Variants in ACP3 observed in about 807,000 individuals in gnomAD.
ACP3 encodes the protein prostatic acid phosphatase.
A neutral mutation model predicts 45.6 loss-of-function variants in ACP3; 38 were observed. The ratio of observed to expected loss-of-function variants is 0.83; its 90% CI spans 0.64 to 1.09. The LOEUF (loss-of-function observed/expected upper bound fraction) is 1.09. Among genes scored for constraint, ACP3 ranks in the 50% least tolerant of loss-of-function variants. ACP3 has a pLI of 0.00. For missense variants in ACP3, 466 were observed against 463.2 expected (o/e 1.01, Z -0.05); for synonymous variants, 162 against 164.7 (o/e 0.98, Z 0.13).
chr3:132,325,115 C>T (rs1160505028), intron 1 of ACP3, among the ~76,000 whole-genome samples: 2 of 152,186 alleles, frequency 1.3e-5, no homozygotes, highest in East Asian at 1.9e-4. Context: ...TGCTCTACCA[C>T]AGAATTAAAA....
chr3:132,347,871 A>ACACACACACACC (rs766142673), intron 7 of ACP3, among the ~76,000 whole-genome samples: 3 of 151,094 alleles, frequency 2.0e-5, no homozygotes, highest in Non-Finnish European at 4.4e-5. Context: ...ACACACACAC[A>ACACACACACACC]CCAAAAAAAT....
chr3:132,337,331 C>A (rs752939110), intron 4 of ACP3, 125 bp from the exon 5 acceptor site: 1 of 580,778 alleles, frequency 1.7e-6, no homozygotes, highest in South Asian at 2.7e-5. Context: ...CCACTCAGCT[C>A]AAAACACATT....
Position 132,356,704 on chromosome 3 carries a change from G to A in ACP3, c.987G>A (p.Met329Ile). The change falls in exon 10 of 10, where the codon ATG (methionine) becomes ATA (isoleucine). Residue 329 changes from methionine to isoleucine, a missense_variant. Transcript: ENST00000336375. Reference protein sequence around the residue: ...YFEKGEYFVEMYYRNETQHEP... With the variant: ...YFEKGEYFVEIYYRNETQHEP... ...CTGCCAGGGAGTACTTTGTGGAGATGTACTATCGGAATGAGACGCAGCACG... is the reference window on the plus strand; with the variant it reads ...CTGCCAGGGAGTACTTTGTGGAGATATACTATCGGAATGAGACGCAGCACG... 6.2e-7 allele frequency: 1 copy of A among 1,614,096 alleles called. No individual in the cohort carries two copies. Among genetic ancestry groups the A allele is most frequent in the Non-Finnish European group, 8.5e-7 (1 of 1,180,032 alleles).
intron 2 of ACP3, among the ~76,000 whole-genome samples, chr3:132,329,555 G>A (rs531057700): frequency 3.3e-5 from 5 of 152,268 alleles, no homozygotes; most frequent in South Asian, 4.1e-4. Flanking sequence ...ATGAAAGAGA[G>A]GCTACAAAAA....
chr3:132,366,027 G>A (rs938721795), intron 10 of ACP3, among the ~76,000 whole-genome samples: 4 of 151,588 alleles, frequency 2.6e-5, no homozygotes, highest in African/African-American at 9.7e-5. Flanking sequence ...GTGGCCAGGT[G>A]TGGTGGCTCA....
In ACP3 at chr3:132,331,675, G is replaced by C; in HGVS notation, c.245G>C (p.Gly82Ala). 1 of 1,605,044 alleles carries C rather than the reference G, an allele frequency of 6.2e-7. No homozygotes were observed. Among genetic ancestry groups the C allele is most frequent in the Non-Finnish European group, 8.5e-7 (1 of 1,177,852 alleles). Residue 82 changes from glycine to alanine, a missense_variant, in exon 3 of 10, where the codon GGA becomes GCA. Transcript: ENST00000336375. ...GGCATGGAGCAGCATTATGAACTTG[G>C]AGAGTATATAAGAAAGAGATATAGA... is the stretch of plus-strand genomic sequence containing the variant. Reference protein sequence around the residue: ...QLGMEQHYELGEYIRKRYRKF... With the variant: ...QLGMEQHYELAEYIRKRYRKF...
intron 5 of ACP3, among the ~76,000 whole-genome samples, chr3:132,339,831 C>G (rs1015373884): frequency 1.3e-4 from 20 of 152,160 alleles, no homozygotes; most frequent in Admixed American, 1.2e-3. Context: ...ACTCCCTCCC[C>G]TCCCCAGAGG....
At position 132,317,415 on chromosome 3, in the gene ACP3, A is replaced by AG; in HGVS notation, c.-41dup. 1 of 1,597,088 alleles carries AG rather than the reference A, an allele frequency of 6.3e-7. No homozygotes were observed. Among genetic ancestry groups the AG allele is most frequent in the Non-Finnish European group, 8.5e-7 (1 of 1,173,826 alleles). On this transcript the variant is annotated 5_prime_UTR_variant, in exon 1 of 10. Coordinates refer to ENST00000336375, the MANE Select transcript of ACP3 (RefSeq NM_001099.5). ...CCCCTCTACAGGCTTTTGAAGTGGT[A>AG]GCAGTTCCTCCTAACTCCTGCCAGA...
intron 8 of ACP3, 53 bp downstream of exon 8, chr3:132,350,055 T>C: frequency 1.6e-6 from 2 of 1,266,288 alleles, no homozygotes; most frequent in Non-Finnish European, 2.3e-6. Context: ...TGTGATCTCT[T>C]GAAGCACAGG....
At chr3:132,324,530 C>A (rs571026984) in intron 1 of ACP3, among the ~76,000 whole-genome samples, 1 of 152,294 alleles carries the variant, frequency 6.6e-6, no homozygotes, top group African/African-American at 2.4e-5. Flanking sequence ...CTCAGTGCAG[C>A]AGTAGTGCCA....
intron 5 of ACP3, among the ~76,000 whole-genome samples, chr3:132,337,850 T>TA (rs979134386): frequency 2.6e-5 from 4 of 152,248 alleles, no homozygotes; most frequent in Non-Finnish European, 5.9e-5. Flanking sequence ...AATATAAGTC[T>TA]AAAATCACCT....
intron 1 of ACP3, among the ~76,000 whole-genome samples, chr3:132,324,850 C>T (rs1171583441): frequency 1.3e-5 from 2 of 152,006 alleles, no homozygotes; most frequent in Non-Finnish European, 2.9e-5. Flanking sequence ...ACCATGTTGG[C>T]CAGGATAGTC....
intron 9 of ACP3, 129 bp downstream of exon 9, chr3:132,352,952 T>C: frequency 1.6e-6 from 1 of 641,414 alleles, no homozygotes; most frequent in Non-Finnish European, 2.7e-6. Flanking sequence ...AGAATGGTGG[T>C]AACAAGATCT....
At chr3:132,355,510 T>TTTTATTTTTA (rs1553734474) in intron 9 of ACP3, among the ~76,000 whole-genome samples, 1 of 50,726 alleles carries the variant, frequency 2.0e-5, no homozygotes, top group South Asian at 7.7e-4. Context: ...TTTTATTTTA[T>TTTTATTTTTA]TTTTATTTTA....
chr3:132,339,070 C>T (rs1476783542), intron 5 of ACP3, among the ~76,000 whole-genome samples: 2 of 152,106 alleles, frequency 1.3e-5, no homozygotes, highest in Non-Finnish European at 1.5e-5. Flanking sequence ...TCTTCTTCCC[C>T]TCTATGTGTC....
downstream of ACP3, chr3:132,358,864 T>C (rs888753242): frequency 6.1e-6 from 6 of 984,794 alleles, no homozygotes; most frequent in Admixed American, 3.7e-4. Flanking sequence ...TTTGGGGTTT[T>C]TGTTTTAGTA....
chr3:132,359,448 CA>C (rs1304444512), downstream of ACP3, among the ~76,000 whole-genome samples: 3 of 152,194 alleles, frequency 2.0e-5, no homozygotes, highest in South Asian at 4.2e-4. Flanking sequence ...GCGGAACTTG[CA>C]GTGAGCCGAG....
chr3:132,320,479 T>C lies in ACP3; in HGVS notation c.120+2903T>C, dbSNP rs139828899. ...AAATGTCATTTTAAAGCATCCTGTC[T>C]CCCCTAACCCAGAGAAAACCCACAA... On this transcript the variant is annotated intron_variant, in intron 1 of 9. Coordinates refer to ENST00000336375, the MANE Select transcript of ACP3 (RefSeq NM_001099.5). Among the ~76,000 whole-genome samples the C allele has an allele frequency of 6.0e-3, 913 of 152,082 alleles. 8 individuals are homozygous for C. The highest frequency in any genetic ancestry group is 0.021 in the African/African-American group (867 of 41,432).
chr3:132,326,188 C>CACAG lies in ACP3; in HGVS notation c.121-2079_121-2078insACAG, dbSNP rs1424714110. 9.3e-3 allele frequency among the ~76,000 whole-genome samples: 1,412 copies of CACAG among 152,226 alleles called. 22 individuals carry two copies. The highest frequency in any genetic ancestry group is 0.032 in the African/African-American group (1,318 of 41,520). ...AAGGCTAGGGATGCTGCTAGACATT[C>CACAG]TACAATGCACAGGACAACCCCCACA... is the stretch of plus-strand genomic sequence containing the variant. On this transcript the variant is annotated intron_variant, in intron 1 of 9. Coordinates refer to ENST00000336375, the MANE Select transcript of ACP3 (RefSeq NM_001099.5).
Sources: gnomAD v4.1 joint callset for allele counts (sites outside exome capture counted in the v4.1 genomes callset) on GRCh38, gnomAD v4.1.1 for gene constraint, MANE v1.5 for transcripts, NCBI Gene and HGNC (gene_info 2026-07-23, HGNC 2026-07-21) for gene names.